The following DACH1 variants were observed in gnomAD, a reference collection of about 807,000 sequenced individuals.
DACH1 encodes dachshund homolog 1.
A neutral mutation model predicts 54.2 loss-of-function variants in DACH1; 12 were observed. That is an observed-to-expected ratio of 0.22 (90% CI 0.14 to 0.36). The LOEUF (loss-of-function observed/expected upper bound fraction) is 0.36. Among genes scored for constraint, DACH1 ranks in the 10% least tolerant of loss-of-function variants. The pLI is 1.00. For synonymous variants in DACH1, 386 were observed against 366.2 expected, an observed-to-expected ratio of 1.05 and a Z score of -0.62; for missense variants, 805 against 929.8, an observed-to-expected ratio of 0.87 and a Z score of 1.75.
At chr13:71,703,442 A>G (rs978961179) in intron 1 of DACH1, among the ~76,000 whole-genome samples, 1 of 152,222 alleles carries the variant, frequency 6.6e-6, no homozygotes, top group South Asian at 2.1e-4. Flanking sequence ...AGCAGAGCTC[A>G]GCAGAGTGGT....
chr13:71,613,496 G>A (rs558326572), intron 3 of DACH1, among the ~76,000 whole-genome samples: 1 of 152,296 alleles, frequency 6.6e-6, no homozygotes, highest in South Asian at 2.1e-4. Flanking sequence ...AAGGCGAGAG[G>A]ATTTAAAAAG....
intron 1 of DACH1, among the ~76,000 whole-genome samples, chr13:71,820,210 T>A (rs1025889098): frequency 8.0e-5 from 12 of 150,288 alleles, no homozygotes; most frequent in African/African-American, 3.0e-4. Flanking sequence ...GACAGTCCAG[T>A]GCATCTACTG....
chr13:71,863,790 G>A (rs1170549779), intron 1 of DACH1, among the ~76,000 whole-genome samples: 3 of 150,072 alleles, frequency 2.0e-5, no homozygotes, highest in Non-Finnish European at 4.4e-5. Context: ...TTGTGTTTAC[G>A]TGTGTGTATG....
At chr13:71,743,551 A>C (rs1313149297) in intron 1 of DACH1, among the ~76,000 whole-genome samples, 1 of 152,198 alleles carries the variant, frequency 6.6e-6, no homozygotes, top group Non-Finnish European at 1.5e-5. Flanking sequence ...AGAGGGTTTC[A>C]GTATCTTGCT....
chr13:71,441,857 A>AT (rs1321199777), intron 10 of DACH1, among the ~76,000 whole-genome samples: 1 of 151,382 alleles, frequency 6.6e-6, no homozygotes, highest in East Asian at 1.9e-4. Context: ...TATTCCTCTC[A>AT]TTTTTTTCTA....
In DACH1 at chr13:71,625,138, A is replaced by T. The variant is rs554405248; in HGVS notation, c.1126+5418T>A. On this transcript the variant is annotated intron_variant, in intron 3 of 10. Coordinates refer to ENST00000613252, the MANE Select transcript of DACH1 (RefSeq NM_080759.6). ...AACTTTTTTTTTATAACAGAAACCA[A>T]ATGACTACTGTAGACACTCTTAAAT... Among the ~76,000 whole-genome samples, 5 of 152,020 alleles carry T rather than the reference A, an allele frequency of 3.3e-5. No individual in the cohort carries two copies. In the East Asian group the frequency reaches 9.7e-4, roughly 29 times the overall value.
chr13:71,499,685 G>A (rs1879749781), intron 6 of DACH1, among the ~76,000 whole-genome samples: 1 of 151,900 alleles, frequency 6.6e-6, no homozygotes, highest in Non-Finnish European at 1.5e-5. Flanking sequence ...CGTTTTATAA[G>A]GCCCAAAGAA....
rs73521245 is a variant in DACH1 at position 71,535,898 on chromosome 13, T to C, written c.1570+21126A>G. Among the ~76,000 whole-genome samples the C allele has an allele frequency of 6.4e-3, 970 of 152,154 alleles. 11 individuals are homozygous for C. The highest frequency in any genetic ancestry group is 0.022 in the African/African-American group (924 of 41,552). The stretch of plus-strand genomic sequence containing the variant: ...AAGTAAAAACATGCACTTAAGTACA[T>C]AGAGTAGTTTATTTGGATAATAATG... On this transcript the variant is annotated intron_variant, in intron 6 of 10. Coordinates refer to ENST00000613252, the MANE Select transcript of DACH1 (RefSeq NM_080759.6).
At position 71,557,033 on chromosome 13, in the gene DACH1, T is replaced by A. The variant is rs373896321; in HGVS notation, c.1561A>T (p.Ile521Phe). 6.2e-7 allele frequency: 1 copy of A among 1,600,042 alleles called. No homozygotes were observed. The highest frequency in any genetic ancestry group is 8.5e-7 in the Non-Finnish European group (1 of 1,174,982). Residue 521 changes from isoleucine to phenylalanine, a missense_variant, in exon 6 of 11, where the codon ATT becomes TTT. Physicochemically the swap from Ile to Phe is conservative, Grantham distance 21 (BLOSUM62 0). Around this residue, in one of 3 missense-constraint regions of DACH1, gnomAD observed 472 missense variants for 545.3 expected, o/e 0.87. Transcript: ENST00000613252. The part of the protein sequence containing the change: ...DMGHESKRMH[I>F]EKDETPLSTP... ...TATAATCATACATTACCTTTTTCAA[T>A]ATGCATCCTTTTTGACTCATGTCCC...
At chr13:71,735,034 T>C (rs1186857165) in intron 1 of DACH1, among the ~76,000 whole-genome samples, 1 of 150,318 alleles carries the variant, frequency 6.7e-6, no homozygotes, top group African/African-American at 2.4e-5. Context: ...ACAGGATATA[T>C]ATATGGGATA....
At chr13:71,454,676 G>C (rs573154251) in intron 10 of DACH1, among the ~76,000 whole-genome samples, 40 of 152,280 alleles carry the variant, frequency 2.6e-4, no homozygotes, top group African/African-American at 9.4e-4. Flanking sequence ...TAGCACTCTT[G>C]AGGACAGGAG....
At chr13:71,695,116 T>A (rs1881755535) in intron 1 of DACH1, among the ~76,000 whole-genome samples, 1 of 152,236 alleles carries the variant, frequency 6.6e-6, no homozygotes, top group African/African-American at 2.4e-5. Flanking sequence ...TTTTGATTTC[T>A]TAAAACAGAA....
intron 6 of DACH1, among the ~76,000 whole-genome samples, chr13:71,533,517 C>A (rs780561803): frequency 2.6e-5 from 4 of 151,880 alleles, no homozygotes; most frequent in Non-Finnish European, 5.9e-5. Context: ...CAGTTATTTC[C>A]GGCCTATATT....
At chr13:71,566,529 C>T (rs563436579) in intron 4 of DACH1, among the ~76,000 whole-genome samples, 2 of 152,172 alleles carry the variant, frequency 1.3e-5, no homozygotes, top group East Asian at 3.9e-4. Context: ...AGGAAAAATG[C>T]TTGATCCCTT....
chr13:71,538,999 T>A (rs533983208), intron 6 of DACH1, among the ~76,000 whole-genome samples: 1 of 152,178 alleles, frequency 6.6e-6, no homozygotes, highest in African/African-American at 2.4e-5. Flanking sequence ...GTTGCACAGT[T>A]CCTTATATTT....
intron 2 of DACH1, among the ~76,000 whole-genome samples, chr13:71,652,191 C>T (rs1878735907): frequency 6.6e-6 from 1 of 152,148 alleles, no homozygotes; most frequent in African/African-American, 2.4e-5. Flanking sequence ...AGTGAGGCTG[C>T]CTCCTCATCA....
At chr13:71,547,716 T>G (rs2138348304) in intron 6 of DACH1, among the ~76,000 whole-genome samples, 1 of 152,242 alleles carries the variant, frequency 6.6e-6, no homozygotes, top group East Asian at 1.9e-4. Flanking sequence ...TATCATCAGG[T>G]TACTATGCAT....
rs398023338 is a variant in DACH1, at chr13:71,692,506, C to CTTTT, written c.849-10600_849-10597dup. On this transcript the variant is annotated intron_variant, in intron 1 of 10. Coordinates refer to ENST00000613252, the MANE Select transcript of DACH1 (RefSeq NM_080759.6). ...CCTTTCTTTTTCTTTCTTTTCTTTCCTTTTTTTTTTTTTTTTTTTTTTTTT... is the reference window on the plus strand; with the variant it reads ...CCTTTCTTTTTCTTTCTTTTCTTTCCTTTTTTTTTTTTTTTTTTTTTTTTTTTTT... Among the ~76,000 whole-genome samples, 43 of 44,436 alleles carry CTTTT rather than the reference C, an allele frequency of 9.7e-4. 3 individuals carry two copies. Among genetic ancestry groups the CTTTT allele is most frequent in the African/African-American group, 2.9e-3 (24 of 8,330 alleles). The allele number at this position is 44,436 out of a possible 152,430, so 29.2% of individuals were successfully genotyped here.
chr13:71,614,803 G>A (rs909219924), intron 3 of DACH1, among the ~76,000 whole-genome samples: 9 of 146,208 alleles, frequency 6.2e-5, no homozygotes, highest in African/African-American at 1.0e-4. Flanking sequence ...GCAGTGAGCC[G>A]TGATTGCACC....
Sources: allele counts gnomAD v4.1 joint callset (sites outside exome capture counted in the v4.1 genomes callset), GRCh38; gene constraint gnomAD v4.1.1; regional missense constraint gnomAD v4.1.1; transcripts MANE v1.5; gene names NCBI Gene and HGNC (gene_info 2026-07-23, HGNC 2026-07-21).